Variants in TSPEAR observed in about 807,000 individuals in gnomAD.
TSPEAR encodes thrombospondin-type laminin G domain and EAR repeat-containing protein.
TSPEAR carries 69 observed loss-of-function variants against 71.6 expected under a neutral mutation model. The ratio of observed to expected loss-of-function variants is 0.96; its 90% confidence interval spans 0.79 to 1.18. The LOEUF is 1.18. Ranked by LOEUF, TSPEAR falls within the 50% of genes most tolerant of loss-of-function variation. The pLI is 0.00. For synonymous variants in TSPEAR, 402 were observed against 387.2 expected (o/e 1.04, Z -0.45); for missense variants, 971 against 894.9 (o/e 1.09, Z -1.09).
intron 1 of TSPEAR, among the ~76,000 whole-genome samples, chr21:44,596,994 T>C (rs587756162): frequency 6.6e-6 from 1 of 152,266 alleles, no homozygotes; most frequent in Admixed American, 6.5e-5. Flanking sequence ...ACATAATTAG[T>C]TTTATCGGTT....
chr21:44,683,668 C>CA (rs1986723773), intron 1 of TSPEAR, among the ~76,000 whole-genome samples: 2 of 137,558 alleles, frequency 1.5e-5, no homozygotes, highest in Non-Finnish European at 1.6e-5. Flanking sequence ...GACCCCGTCT[C>CA]AAAAAACAAA....
At chr21:44,677,437 G>T (rs1986369922) in intron 1 of TSPEAR, 1 of 922,352 alleles carries the variant, frequency 1.1e-6, no homozygotes, top group Non-Finnish European at 1.8e-6. Flanking sequence ...TTTGCAGTTT[G>T]CCTCAGAGCA....
At chr21:44,671,322 G>A (rs1986045037) in intron 1 of TSPEAR, among the ~76,000 whole-genome samples, 1 of 152,220 alleles carries the variant, frequency 6.6e-6, no homozygotes, top group South Asian at 2.1e-4. Context: ...GCGGCCCAAG[G>A]ACCCATCCAT....
chr21:44,600,488 T>C (rs1341276404), intron 1 of TSPEAR: 12 of 1,081,012 alleles, frequency 1.1e-5, no homozygotes, highest in Admixed American at 2.8e-5. Flanking sequence ...GCAGGAGTTG[T>C]TGACACTCCA....
At chr21:44,513,926 C>T (rs1555913033) in intron 9 of TSPEAR, among the ~76,000 whole-genome samples, 1 of 152,148 alleles carries the variant, frequency 6.6e-6, no homozygotes, top group African/African-American at 2.4e-5. Flanking sequence ...GGCAGCGCTA[C>T]TGGATGACAG....
intron 2 of TSPEAR, chr21:44,539,932 G>C (rs782008637): frequency 6.2e-7 from 1 of 1,613,820 alleles, no homozygotes; most frequent in South Asian, 1.1e-5. Context: ...GCGTGCAGGA[G>C]CTGGTGCAGC....
At chr21:44,539,914 G>T (rs782474175) in intron 2 of TSPEAR, 1 of 1,614,044 alleles carries the variant, frequency 6.2e-7, no homozygotes, top group African/African-American at 1.3e-5. Flanking sequence ...ACTGCTGGCA[G>T]CACGAGGGCG....
intron 1 of TSPEAR, among the ~76,000 whole-genome samples, chr21:44,688,039 A>G (rs1986940095): frequency 6.6e-6 from 1 of 152,088 alleles, no homozygotes; most frequent in African/African-American, 2.4e-5. Flanking sequence ...AATTTTTACA[A>G]CTTTTCTGTA....
intron 1 of TSPEAR, among the ~76,000 whole-genome samples, chr21:44,655,308 T>G (rs189572712): frequency 6.6e-6 from 1 of 152,364 alleles, no homozygotes; most frequent in Non-Finnish European, 1.5e-5. Flanking sequence ...TCGTTACCAC[T>G]GTGCCAAATT....
intron 1 of TSPEAR, chr21:44,574,828 C>G: frequency 6.2e-7 from 1 of 1,614,128 alleles, no homozygotes; most frequent in Non-Finnish European, 8.5e-7. Context: ...TGCTGCAGAC[C>G]CTCCTCCTCC....
intron 8 of TSPEAR, 26 bp downstream of exon 8, chr21:44,525,627 C>T (rs781858945): frequency 2.8e-5 from 45 of 1,609,490 alleles, no homozygotes; most frequent in Admixed American, 2.2e-4. Context: ...GGTTGCCTCC[C>T]GGTGTGAAGG....
chr21:44,656,069 C>T (rs28735609), intron 1 of TSPEAR, among the ~76,000 whole-genome samples: 74,334 of 151,930 alleles, frequency 0.49, 18,224 homozygotes, highest in South Asian at 0.56. Context: ...ACAAGCCGGG[C>T]GAGGCCACAA....
chr21:44,676,309 G>T, intron 1 of TSPEAR: 1 of 1,209,098 alleles, frequency 8.3e-7, no homozygotes, highest in South Asian at 1.2e-5. Flanking sequence ...TGTGGCTAAA[G>T]CTTTAGTAAA....
At chr21:44,531,719 G>C (rs1243288632) in intron 3 of TSPEAR, among the ~76,000 whole-genome samples, 2 of 152,146 alleles carry the variant, frequency 1.3e-5, no homozygotes, top group African/African-American at 4.8e-5. Context: ...TCCCTCCACT[G>C]AGCTCCTGCA....
At chr21:44,679,567 CA>C (rs1175347938) in intron 1 of TSPEAR, among the ~76,000 whole-genome samples, 1 of 152,028 alleles carries the variant, frequency 6.6e-6, no homozygotes, top group Non-Finnish European at 1.5e-5. Flanking sequence ...CATATGGAAC[CA>C]AAAAGGACCC....
chr21:44,615,621 G>A (rs980163795), intron 1 of TSPEAR, among the ~76,000 whole-genome samples: 2 of 150,648 alleles, frequency 1.3e-5, no homozygotes, highest in Non-Finnish European at 2.9e-5. Flanking sequence ...GCCACATGGC[G>A]GCACCTCCCC....
At chr21:44,644,809 A>G (rs1984217373) in intron 1 of TSPEAR, among the ~76,000 whole-genome samples, 1 of 152,236 alleles carries the variant, frequency 6.6e-6, no homozygotes, top group Non-Finnish European at 1.5e-5. Context: ...CACTTCGGAG[A>G]TAAGTCTTTA....
chr21:44,603,459 C>T (rs1300213138), intron 1 of TSPEAR, among the ~76,000 whole-genome samples: 2 of 152,172 alleles, frequency 1.3e-5, no homozygotes, highest in Non-Finnish European at 1.5e-5. Context: ...CAGAGAAGCA[C>T]GTCCTCCTCT....
chr21:44,530,198 T>TA (rs1555915585), intron 4 of TSPEAR, among the ~76,000 whole-genome samples: 3 of 148,042 alleles, frequency 2.0e-5, no homozygotes, highest in Non-Finnish European at 4.4e-5. Context: ...TATGTGAACT[T>TA]AGAGTGACTG....
Sources: gnomAD v4.1 joint callset for allele counts (sites outside exome capture counted in the v4.1 genomes callset) on GRCh38, gnomAD v4.1.1 for gene constraint, MANE v1.5 for transcripts, NCBI Gene and HGNC (gene_info 2026-07-23, HGNC 2026-07-21) for gene names.